The following PLD5 variants were observed in gnomAD, a reference collection of about 807,000 sequenced individuals.
PLD5 encodes inactive phospholipase D5.
A neutral mutation model predicts 61.1 loss-of-function variants in PLD5; 36 were observed. The observed-to-expected ratio is 0.59, with a 90% CI of 0.45 to 0.78. The LOEUF is 0.78. Among genes scored for constraint, PLD5 ranks in the 30% least tolerant of loss-of-function variants. The pLI is 0.00. For missense variants in PLD5, 515 were observed against 644.4 expected (o/e 0.80, Z 2.17); for synonymous variants, 243 against 242.8 (o/e 1.00, Z -0.01).
chr1:242,391,453 G>A (rs1312636063), intron 1 of PLD5, among the ~76,000 whole-genome samples: 1 of 152,180 alleles, frequency 6.6e-6, no homozygotes, highest in Non-Finnish European at 1.5e-5. Context: ...CAAAAGGTGA[G>A]AGAAAGACAA....
rs573517580 is a variant in PLD5, at chr1:242,256,848, T to A, written c.607+8489A>T. Among the ~76,000 whole-genome samples the A allele has an allele frequency of 6.0e-5, 9 of 150,474 alleles. 1 individual carries two copies. Among genetic ancestry groups the A allele is most frequent in the African/African-American group, 2.2e-4 (9 of 40,936 alleles). ...TCATCTATTTCTTTCTTTCTGTGTATCTGCCATCTATCTTCCTATCTTCTT... is the reference window on the plus strand; with the variant it reads ...TCATCTATTTCTTTCTTTCTGTGTAACTGCCATCTATCTTCCTATCTTCTT... On this transcript the variant is annotated intron_variant, in intron 4 of 9. Coordinates refer to ENST00000536534, the MANE Select transcript of PLD5 (RefSeq NM_001372062.1). This position sits in a 1 kb window ranked among gnomAD's most constrained non-coding sequence, Gnocchi z 5.7.
chr1:242,140,744 T>A (rs1419956051), intron 5 of PLD5, among the ~76,000 whole-genome samples: 4 of 58,134 alleles, frequency 6.9e-5, no homozygotes, highest in African/African-American at 4.0e-4. Context: ...ATCGTTAAAT[T>A]TTTTTTTTTT....
Position 242,432,387 on chromosome 1 carries a change from C to A in PLD5, c.190-84145G>T, listed in dbSNP as rs145789824. 3.2e-3 allele frequency among the ~76,000 whole-genome samples: 486 copies of A among 152,292 alleles called. 2 individuals are homozygous for A. Among genetic ancestry groups the A allele is most frequent in the African/African-American group, 0.011 (465 of 41,550 alleles). On this transcript the variant is annotated intron_variant, in intron 1 of 9. Coordinates refer to ENST00000536534, the MANE Select transcript of PLD5 (RefSeq NM_001372062.1). ...AGCTTAGACAAGGCTACAGGCGAGG[C>A]TGCCAACGTAGGGGACACTCCTTGT...
intron 5 of PLD5, among the ~76,000 whole-genome samples, chr1:242,181,186 G>A (rs1042723946): frequency 2.6e-5 from 4 of 152,210 alleles, no homozygotes; most frequent in African/African-American, 9.6e-5. Context: ...TCAATAGGTC[G>A]GAGGTAGGGC....
chr1:242,463,539 T>G (rs764258788), intron 1 of PLD5, among the ~76,000 whole-genome samples: 1 of 152,088 alleles, frequency 6.6e-6, no homozygotes, highest in Non-Finnish European at 1.5e-5. Flanking sequence ...ACGCCTTCTC[T>G]CTCATTCTTA....
At chr1:242,485,215 A>C (rs1667915908) in intron 1 of PLD5, among the ~76,000 whole-genome samples, 1 of 152,160 alleles carries the variant, frequency 6.6e-6, no homozygotes, top group African/African-American at 2.4e-5. Flanking sequence ...GCCAGGAAAT[A>C]AGGCAGGAGA....
chr1:242,523,341 AG>A (rs776802393), intron 1 of PLD5, among the ~76,000 whole-genome samples: 6 of 150,362 alleles, frequency 4.0e-5, no homozygotes, highest in African/African-American at 1.5e-4. Flanking sequence ...CCTTTTTAGA[AG>A]GTTTTTTTTT....
At chr1:242,133,520 C>G (rs555674249) in intron 5 of PLD5, among the ~76,000 whole-genome samples, 3 of 152,348 alleles carry the variant, frequency 2.0e-5, no homozygotes, top group Admixed American at 2.0e-4. Flanking sequence ...AGAACCTGGA[C>G]ACCCTCCACT....
intron 5 of PLD5, among the ~76,000 whole-genome samples, chr1:242,153,980 G>A (rs1665144370): frequency 1.3e-5 from 2 of 152,144 alleles, no homozygotes; most frequent in Non-Finnish European, 2.9e-5. Flanking sequence ...CTATCCATGA[G>A]CATGGGATGT....
intron 2 of PLD5, among the ~76,000 whole-genome samples, chr1:242,325,385 G>GGA (rs1375105356): frequency 7.0e-6 from 1 of 143,762 alleles, no homozygotes; most frequent in Admixed American, 7.0e-5. Flanking sequence ...GGAGAGAGAG[G>GGA]GAGAGAGAGA....
chr1:242,171,593 T>C (rs183643211), intron 5 of PLD5, among the ~76,000 whole-genome samples: 47 of 151,916 alleles, frequency 3.1e-4, no homozygotes, highest in Admixed American at 1.5e-3. Context: ...AGATACAGAC[T>C]GGAAAACTGG....
chr1:242,325,381 A>G (rs780165184), intron 2 of PLD5, among the ~76,000 whole-genome samples: 53 of 133,038 alleles, frequency 4.0e-4, no homozygotes, highest in Non-Finnish European at 6.6e-4. Context: ...ATAGGGAGAG[A>G]GAGGGAGAGA....
rs184499036 is a variant in PLD5 at position 242,425,310 on chromosome 1, C to T, written c.190-77068G>A. On this transcript the variant is annotated intron_variant, in intron 1 of 9. Coordinates refer to ENST00000536534, the MANE Select transcript of PLD5 (RefSeq NM_001372062.1). ...AGCCTATTGCTCTTCAGCCACAAAC[C>T]TGTGTAGCATGTAACTGTCCTGAAT... 1.1e-3 allele frequency among the ~76,000 whole-genome samples: 174 copies of T among 152,322 alleles called. 1 individual carries two copies. Among genetic ancestry groups the T allele is most frequent in the Middle Eastern group, 3.4e-3 (1 of 294 alleles).
chr1:242,479,163 A>G (rs922290369), intron 1 of PLD5, among the ~76,000 whole-genome samples: 1 of 152,184 alleles, frequency 6.6e-6, no homozygotes, highest in Admixed American at 6.5e-5. Context: ...ATTTATTTTC[A>G]GACAATGGAC....
chr1:242,247,014 C>CCT, intron 4 of PLD5, among the ~76,000 whole-genome samples: 1 of 139,472 alleles, frequency 7.2e-6, no homozygotes, highest in African/African-American at 2.8e-5. Context: ...GACGGAGTTT[C>CCT]GCTCTGTCGC....
intron 3 of PLD5, among the ~76,000 whole-genome samples, chr1:242,284,953 G>A (rs997925411): frequency 2.6e-5 from 4 of 152,194 alleles, no homozygotes; most frequent in Admixed American, 2.0e-4. Flanking sequence ...AAACCAGCTG[G>A]TTTTACATTG....
intron 4 of PLD5, among the ~76,000 whole-genome samples, chr1:242,229,151 A>G (rs1034969766): frequency 6.6e-6 from 1 of 152,178 alleles, no homozygotes; most frequent in Non-Finnish European, 1.5e-5. Context: ...GATTCAAAAT[A>G]AACATCCTGT....
chr1:242,511,444 G>A (rs568447091), intron 1 of PLD5, among the ~76,000 whole-genome samples: 18 of 152,204 alleles, frequency 1.2e-4, no homozygotes, highest in African/African-American at 4.1e-4. Context: ...GAAACACGGC[G>A]AACACTACTT....
rs145378496 is a variant in PLD5, at chr1:242,422,250, C to G, written c.190-74008G>C. ...GAGAAGGGAACGAGAACATCTGTTC[C>G]AAAGCAAACTGCCAGATTCATGGCA... On this transcript the variant is annotated intron_variant, in intron 1 of 9. Transcript: ENST00000536534. 9.7e-4 allele frequency among the ~76,000 whole-genome samples: 148 copies of G among 152,212 alleles called. 3 individuals are homozygous for G. In the East Asian group the frequency reaches 0.026, roughly 27 times the overall value.
Sources: gnomAD v4.1 joint callset for allele counts (sites outside exome capture counted in the v4.1 genomes callset) on GRCh38, gnomAD v4.1.1 for gene constraint, Gnocchi (gnomAD v3.1) non-coding constraint, MANE v1.5 for transcripts, NCBI Gene and HGNC (gene_info 2026-07-23, HGNC 2026-07-21) for gene names.